The following UBTD1 variants were observed in gnomAD, a reference collection of about 807,000 sequenced individuals.
The protein encoded by UBTD1 is ubiquitin domain containing 1.
UBTD1 carries 19 observed loss-of-function variants against 21.7 expected under a neutral mutation model. The observed-to-expected ratio is 0.87, with a 90% CI of 0.61 to 1.28. The LOEUF is 1.28. Ranked by LOEUF, UBTD1 falls within the 50% of genes most tolerant of loss-of-function variation. The pLI is 0.00. For synonymous variants in UBTD1, 116 were observed against 135.1 expected (o/e 0.86, Z 0.98); for missense variants, 282 against 315.1 (o/e 0.89, Z 0.80).
At chr10:97,504,434 C>CA (rs1362733887) in intron 1 of UBTD1, among the ~76,000 whole-genome samples, 2 of 152,170 alleles carry the variant, frequency 1.3e-5, no homozygotes, top group Non-Finnish European at 2.9e-5. Flanking sequence ...TCACCTTGTT[C>CA]AACCCCCCGA....
At chr10:97,534,318 G>A (rs1205693930) in intron 1 of UBTD1, among the ~76,000 whole-genome samples, 1 of 152,200 alleles carries the variant, frequency 6.6e-6, no homozygotes, top group East Asian at 1.9e-4. Context: ...GAGATGGGGA[G>A]GGCCCAGCCC....
chr10:97,509,305 C>G (rs1356953757), intron 1 of UBTD1, among the ~76,000 whole-genome samples: 1 of 152,234 alleles, frequency 6.6e-6, no homozygotes, highest in Non-Finnish European at 1.5e-5. Flanking sequence ...GGTTCCACTA[C>G]TTTCTTTGCA....
At chr10:97,562,524 T>C (rs1450813107) in intron 1 of UBTD1, among the ~76,000 whole-genome samples, 1 of 152,192 alleles carries the variant, frequency 6.6e-6, no homozygotes, top group Admixed American at 6.5e-5. Context: ...GGGGAGAATA[T>C]TACAAAGTAC....
chr10:97,537,370 C>T (rs1245231262), intron 1 of UBTD1, among the ~76,000 whole-genome samples: 1 of 152,158 alleles, frequency 6.6e-6, no homozygotes, highest in Non-Finnish European at 1.5e-5. Context: ...CCAGGCCAAG[C>T]CCATTAGCAC....
At chr10:97,564,886 G>A (rs1191869828) in intron 1 of UBTD1, among the ~76,000 whole-genome samples, 5 of 152,122 alleles carry the variant, frequency 3.3e-5, no homozygotes, top group Admixed American at 3.3e-4. Flanking sequence ...TCTTAACCCA[G>A]ACATTCCTTT....
At chr10:97,569,918 GAA>G in intron 2 of UBTD1, among the ~76,000 whole-genome samples, 1 of 125,504 alleles carries the variant, frequency 8.0e-6, no homozygotes, top group South Asian at 2.5e-4. Context: ...TGTCTCAAAA[GAA>G]AAAAAAAAAA....
chr10:97,547,167 C>T (rs1354808583), intron 1 of UBTD1, among the ~76,000 whole-genome samples: 6 of 152,174 alleles, frequency 3.9e-5, no homozygotes, highest in African/African-American at 1.4e-4. Flanking sequence ...TCAGGCTGTG[C>T]CGTTCGCTTC....
At chr10:97,502,922 T>A (rs1029536050) in intron 1 of UBTD1, among the ~76,000 whole-genome samples, 179 of 148,976 alleles carry the variant, frequency 1.2e-3, no homozygotes, top group South Asian at 2.3e-3. Context: ...TATATATATT[T>A]TTTTTTTTTT....
At chr10:97,548,593 C>T (rs2040621746) in intron 1 of UBTD1, among the ~76,000 whole-genome samples, 1 of 152,182 alleles carries the variant, frequency 6.6e-6, no homozygotes, top group South Asian at 2.1e-4. Flanking sequence ...GCCAGGAGTT[C>T]AAGACCAGCC....
chr10:97,550,604 C>A (rs934834478), intron 1 of UBTD1, among the ~76,000 whole-genome samples: 31 of 152,196 alleles, frequency 2.0e-4, no homozygotes, highest in African/African-American at 7.5e-4. Flanking sequence ...GAGAACCGCG[C>A]TGGGCCAGGC....
At position 97,532,166 on chromosome 10, in the gene UBTD1, A is replaced by C. The variant is rs1456341738; in HGVS notation, c.70+32893A>C. Reference sequence around the variant, plus strand: ...CGGGAGAGCAGCCAGTGGAGGGAGCACCTTGGGTCAAGGCGCTCTCAGTCT... The same window carrying C: ...CGGGAGAGCAGCCAGTGGAGGGAGCCCCTTGGGTCAAGGCGCTCTCAGTCT... On this transcript the variant is annotated intron_variant, in intron 1 of 2. Coordinates refer to ENST00000370664, the MANE Select transcript of UBTD1 (RefSeq NM_024954.5). 3.9e-5 allele frequency among the ~76,000 whole-genome samples: 6 copies of C among 152,252 alleles called. No individual in the cohort carries two copies. In the South Asian group the frequency reaches 1.0e-3, roughly 26 times the overall value.
intron 1 of UBTD1, among the ~76,000 whole-genome samples, chr10:97,514,097 G>T (rs928237951): frequency 1.3e-5 from 2 of 151,502 alleles, no homozygotes; most frequent in Non-Finnish European, 1.5e-5. Flanking sequence ...ATATGGGGAC[G>T]CTTAGGTCAA....
chr10:97,530,655 G>A (rs893820448), intron 1 of UBTD1, among the ~76,000 whole-genome samples: 1 of 152,104 alleles, frequency 6.6e-6, no homozygotes, highest in African/African-American at 2.4e-5. Flanking sequence ...AGAACCACTG[G>A]TCCAGCAGCT....
In UBTD1 at chr10:97,567,979, C is replaced by T. The variant is rs1430598250; in HGVS notation, c.136C>T (p.Gln46Ter). 7 of 1,614,056 alleles carry T rather than the reference C, an allele frequency of 4.3e-6. No individual in the cohort carries two copies. The highest frequency in any genetic ancestry group is 5.9e-6 in the Non-Finnish European group (7 of 1,180,060). ...WKSDYPMTDG[Q>*]LRSKRDEFWD... ...GAGCGACTACCCCATGACTGACGGG[C>T]AGCTGCGGAGCAAACGGGATGAGTT... Residue 46 changes from glutamine to a stop codon, truncating the protein, a stop_gained, in exon 2 of 3, where the codon CAG becomes TAG. Transcript: ENST00000370664. LOFTEE classifies it high-confidence loss of function.
intron 1 of UBTD1, among the ~76,000 whole-genome samples, chr10:97,556,894 G>A (rs1352514660): frequency 1.3e-5 from 2 of 152,244 alleles, no homozygotes; most frequent in Non-Finnish European, 2.9e-5. Context: ...ACTCCACCAT[G>A]TAACTGTTTT....
chr10:97,544,250 G>A (rs934946060), intron 1 of UBTD1, among the ~76,000 whole-genome samples: 1 of 150,614 alleles, frequency 6.6e-6, no homozygotes, highest in African/African-American at 2.4e-5. Context: ...CCAAGTTCAC[G>A]CCATTGCACT....
Position 97,499,035 on chromosome 10 carries a change from C to G in UBTD1, c.-169C>G. 1 of 730,788 alleles carries G rather than the reference C, an allele frequency of 1.4e-6. No individual in the cohort carries two copies. The highest frequency in any genetic ancestry group is 2.1e-6 in the Non-Finnish European group (1 of 470,694). The allele number at this position is 730,788 out of a possible 1,614,324, so 45.3% of individuals were successfully genotyped here. ...TCTGCCACTTCCCTCTCTCCCCTGGCCCGCAAAGTTTTGGCGGAGCCATCG... is the reference window on the plus strand; with the variant it reads ...TCTGCCACTTCCCTCTCTCCCCTGGGCCGCAAAGTTTTGGCGGAGCCATCG... On this transcript the variant is annotated 5_prime_UTR_variant, in exon 1 of 3. Coordinates refer to ENST00000370664, the MANE Select transcript of UBTD1 (RefSeq NM_024954.5).
intron 1 of UBTD1, among the ~76,000 whole-genome samples, chr10:97,542,392 A>G (rs1245640534): frequency 2.0e-5 from 3 of 152,238 alleles, no homozygotes; most frequent in Non-Finnish European, 4.4e-5. Flanking sequence ...TGCCCAGAGC[A>G]GCTGGGGAGG....
chr10:97,513,061 G>T (rs2040429024), intron 1 of UBTD1, among the ~76,000 whole-genome samples: 1 of 152,232 alleles, frequency 6.6e-6, no homozygotes, highest in African/African-American at 2.4e-5. Flanking sequence ...AATTGGTATT[G>T]CTGGGGAATT....
Sources: allele counts gnomAD v4.1 joint callset (sites outside exome capture counted in the v4.1 genomes callset), GRCh38; gene constraint gnomAD v4.1.1; transcripts MANE v1.5; gene names NCBI Gene and HGNC (gene_info 2026-07-23, HGNC 2026-07-21).